Variants in CHPF observed in about 807,000 individuals in gnomAD.
The protein encoded by CHPF is chondroitin polymerizing factor, non-catalytic subunit.
Under a neutral mutation model 55.1 loss-of-function variants are expected in CHPF, and 34 were observed. The ratio of observed to expected loss-of-function variants is 0.62; its 90% CI spans 0.47 to 0.82. The LOEUF is 0.82. CHPF is among the 40% of genes least tolerant of loss of function. The pLI is 0.00. For synonymous variants in CHPF, 489 were observed against 496.6 expected (o/e 0.98, Z 0.20); for missense variants, 961 against 1,106.1 (o/e 0.87, Z 1.86).
Position 219,540,489 on chromosome 2 carries a change from C to A in CHPF, c.1222G>T (p.Gly408Cys), listed in dbSNP as rs776735632. 6.2e-7 allele frequency: 1 copy of A among 1,614,078 alleles called. No individual in the cohort carries two copies. The highest frequency in any genetic ancestry group is 1.7e-5 in the Admixed American group (1 of 60,022). ...CCACGCAGTGGGCAGCGGGGTGAGC[C>A]ATCGGCGCAGGAGAAAGCGTGCTGC... ...TEQHAFSCAD[G>C]SPRCPLRGAD... is the part of the protein sequence containing the mutation. Residue 408 changes from glycine to cysteine, a missense_variant, in exon 4 of 4, where the codon GGC (glycine) becomes TGC (cysteine). Physicochemically the swap from Gly to Cys is radical, Grantham distance 159 (BLOSUM62 -3). This residue lies in a region of CHPF where 936 missense variants were observed against 1,058.4 expected (regional missense o/e 0.88). Transcript: ENST00000243776.
Position 219,543,529 on chromosome 2 carries a change from A to C in CHPF, c.10T>G (p.Ser4Ala). Residue 4 changes from serine (S) to alanine (A), a missense_variant, in exon 1 of 4, where the codon TCG becomes GCG. Ser to Ala is a moderately conservative substitution (Grantham distance 99). This residue lies in a region of CHPF where 19 missense variants were observed against 22.5 expected (regional missense o/e 0.85). Coordinates refer to ENST00000243776, the MANE Select transcript of CHPF (RefSeq NM_024536.6). ...GGCCGCAGCACCGACAGCAGCAGCG[A>C]TGCCCGCATGGCGCCCGGACCGCGG... is the stretch of plus-strand genomic sequence containing the variant. MRASLLLSVLRPAG... is the reference protein window; with the variant it reads MRAALLLSVLRPAG... 7.5e-7 allele frequency: 1 copy of C among 1,337,238 alleles called. No individual in the cohort carries two copies. The highest frequency in any genetic ancestry group is 9.5e-7 in the Non-Finnish European group (1 of 1,048,696). 82.8% of individuals were successfully genotyped at this position (1,337,238 alleles called of 1,614,324 possible).
Position 219,539,287 on chromosome 2 carries a change from C to G in CHPF, c.*96G>C. On this transcript the variant is annotated 3_prime_UTR_variant, in exon 4 of 4. Coordinates refer to ENST00000243776, the MANE Select transcript of CHPF (RefSeq NM_024536.6). The stretch of plus-strand genomic sequence containing the variant: ...GGGCCAGCTTGGGGTCTGGCTACGG[C>G]CAGCCCTGCCCAGCGAGGCTGGCAG... 2 of 1,286,708 alleles carry G rather than the reference C, an allele frequency of 1.6e-6. No individual in the cohort carries two copies. The highest frequency in any genetic ancestry group is 2.1e-6 in the Non-Finnish European group (2 of 944,928). The allele number at this position is 1,286,708 out of a possible 1,614,324, so 79.7% of individuals were successfully genotyped here.
In CHPF at chr2:219,543,567, G is replaced by A. The variant is rs532441028; in HGVS notation, c.-29C>T. The A allele has an allele frequency of 3.8e-6, 5 of 1,321,426 alleles. No homozygotes were observed. The highest frequency in any genetic ancestry group is 5.7e-4 in the Middle Eastern group (2 of 3,536). 81.9% of individuals were successfully genotyped at this position (1,321,426 alleles called of 1,614,324 possible). ...GCCCGGACCGCGGGTCCCCGGCCCC[G>A]GCGAACCCCCAGAGCAGCCAGAGGA... On this transcript the variant is annotated 5_prime_UTR_variant, in exon 1 of 4. Coordinates refer to ENST00000243776, the MANE Select transcript of CHPF (RefSeq NM_024536.6).
In CHPF at chr2:219,539,449, C is replaced by T. The variant is rs753344850; in HGVS notation, c.2262G>A (p.Glu754=). Residue 754 remains glutamate, a synonymous_variant, in exon 4 of 4, where the codon GAG becomes GAA. Coordinates refer to ENST00000243776, the MANE Select transcript of CHPF (RefSeq NM_024536.6). The part of the protein sequence containing the change: ...LYHRCLQSVL[E]GLGSRTQLAM... Reference sequence around the variant, plus strand: ...CCAGCTGGGTTCGGGAGCCGAGGCCCTCAAGCACGCTCTGGAGGCAGCGGT... The same window carrying T: ...CCAGCTGGGTTCGGGAGCCGAGGCCTTCAAGCACGCTCTGGAGGCAGCGGT... The T allele has an allele frequency of 2.5e-6, 4 of 1,612,956 alleles. No individual in the cohort carries two copies. In the South Asian group the frequency reaches 4.4e-5, roughly 18 times the overall value.
In CHPF at chr2:219,540,991, G is replaced by C; in HGVS notation, c.1023C>G (p.Ala341=). The C allele has an allele frequency of 6.2e-7, 1 of 1,614,066 alleles. No homozygotes were observed. The highest frequency in any genetic ancestry group is 8.5e-7 in the Non-Finnish European group (1 of 1,179,990). ...GGTACGTGCGTTCCAGTTCAGCTCGGGCGAAAGCTTTGTGCAGCTGGTACA... is the reference window on the plus strand; with the variant it reads ...GGTACGTGCGTTCCAGTTCAGCTCGCGCGAAAGCTTTGTGCAGCTGGTACA... The part of the protein sequence containing the change: ...VHMYQLHKAF[A]RAELERTYQE... The change falls in exon 3 of 4, where the codon GCC becomes GCG. Residue 341 remains alanine (A), a synonymous_variant. Transcript: ENST00000243776.
intron 2 of CHPF, 199 bp downstream of exon 2, chr2:219,541,417 C>T (rs749583494): frequency 1.8e-6 from 1 of 565,162 alleles, no homozygotes; most frequent in Non-Finnish European, 3.0e-6. Flanking sequence ...GTAACAACCC[C>T]GAGCAATAAT....
chr2:219,542,963 T>C, intron 1 of CHPF: 1 of 1,282,486 alleles, frequency 7.8e-7, no homozygotes, highest in Non-Finnish European at 9.8e-7. Flanking sequence ...AGGGAGCTAG[T>C]AGGATCTCTG....
chr2:219,539,952 C>A lies in CHPF; in HGVS notation c.1759G>T (p.Val587Leu). ...FPGARVPWLS[V>L]QTAAPSPLRL... ...AGTGGTGAGGGTGCGGCTGTCTGCACACTGAGCCATGGCACCCGGGCACCG... is the reference window on the plus strand; with the variant it reads ...AGTGGTGAGGGTGCGGCTGTCTGCAAACTGAGCCATGGCACCCGGGCACCG... The change falls in exon 4 of 4, where the codon GTG becomes TTG. Residue 587 changes from valine to leucine, a missense_variant. Val to Leu is a conservative substitution (Grantham distance 32, BLOSUM62 1). Transcript: ENST00000243776. 1 of 1,613,796 alleles carries A rather than the reference C, an allele frequency of 6.2e-7. No homozygotes were observed. Among genetic ancestry groups the A allele is most frequent in the East Asian group, 2.2e-5 (1 of 44,878 alleles).
Position 219,540,369 on chromosome 2 carries a change from G to T in CHPF, c.1342C>A (p.Leu448Met). The change falls in exon 4 of 4, where the codon CTG (leucine) becomes ATG (methionine). Residue 448 changes from leucine (L) to methionine (M), a missense_variant. Physicochemically the swap from Leu to Met is conservative, Grantham distance 15. Coordinates refer to ENST00000243776, the MANE Select transcript of CHPF (RefSeq NM_024536.6). ...HPALRLQKQQ[L>M]VNGYRRFDPA... ...TCAAAGCGTCGGTAGCCATTCACCA[G>T]CTGCTGCTTCTGGAGCCGCAAGGCC... 2.5e-6 allele frequency: 4 copies of T among 1,614,036 alleles called. No individual in the cohort carries two copies. Among genetic ancestry groups the T allele is most frequent in the Non-Finnish European group, 2.5e-6 (3 of 1,180,000 alleles).
At position 219,542,019 on chromosome 2, in the gene CHPF, C is replaced by G; in HGVS notation, c.485G>C (p.Gly162Ala). ...CTCGCCTAGCGTCACCACTGCCATG[C>G]CAGGTGGGGCCCGGCGGCCCCGTGC... The part of the protein sequence containing the change: ...TGARGRRAPP[G>A]MAVVTLGEER... The change falls in exon 2 of 4, where the codon GGC becomes GCC. Residue 162 changes from glycine to alanine, a missense_variant. By Grantham distance (60) the Gly-to-Ala change is moderately conservative. Coordinates refer to ENST00000243776, the MANE Select transcript of CHPF (RefSeq NM_024536.6). 6.3e-7 allele frequency: 1 copy of G among 1,597,810 alleles called. No homozygotes were observed. The highest frequency in any genetic ancestry group is 8.5e-7 in the Non-Finnish European group (1 of 1,174,332).
intron 2 of CHPF, 163 bp downstream of exon 2, chr2:219,541,453 A>G: frequency 1.6e-6 from 1 of 619,616 alleles, no homozygotes; most frequent in Non-Finnish European, 2.7e-6. Context: ...AAAGGAAGAT[A>G]CTGAAGCCCA....
chr2:219,539,367 C>T lies in CHPF; in HGVS notation c.*16G>A, dbSNP rs145400808. On this transcript the variant is annotated 3_prime_UTR_variant, in exon 4 of 4. Coordinates refer to ENST00000243776, the MANE Select transcript of CHPF (RefSeq NM_024536.6). ...TGGGGTGTGGCCATGCCACGGCCCA[C>T]GGGGACAGGGTGGGGTCAGGTGCTG... 39 of 1,578,602 alleles carry T rather than the reference C, an allele frequency of 2.5e-5. No homozygotes were observed. The highest frequency in any genetic ancestry group is 4.0e-5 in the African/African-American group (3 of 74,318).
At position 219,540,034 on chromosome 2, in the gene CHPF, A is replaced by T. The variant is rs754751372; in HGVS notation, c.1677T>A (p.His559Gln). The change falls in exon 4 of 4, where the codon CAT becomes CAA. Residue 559 changes from histidine (H) to glutamine (Q), a missense_variant. Physicochemically the swap from His to Gln is conservative, Grantham distance 24. Around this residue, in one of 3 missense-constraint regions of CHPF, gnomAD observed 936 missense variants for 1,058.4 expected, o/e 0.88. Coordinates refer to ENST00000243776, the MANE Select transcript of CHPF (RefSeq NM_024536.6). ...CCTTGACAGGTGCGAAGACATCTGC[A>T]TGGGCCACGCGCTGGGCCTGGCGCG... ...YEPRQAQRVA[H>Q]ADVFAPVKAH... 1 of 1,613,104 alleles carries T rather than the reference A, an allele frequency of 6.2e-7. No individual in the cohort carries two copies. Among genetic ancestry groups the T allele is most frequent in the Non-Finnish European group, 8.5e-7 (1 of 1,179,790 alleles).
At position 219,540,336 on chromosome 2, in the gene CHPF, G is replaced by T; in HGVS notation, c.1375C>A (p.Arg459=). 1 of 1,613,958 alleles carries T rather than the reference G, an allele frequency of 6.2e-7. No individual in the cohort carries two copies. The highest frequency in any genetic ancestry group is 1.1e-5 in the South Asian group (1 of 91,086). Residue 459 remains arginine, a synonymous_variant, in exon 4 of 4, where the codon CGG becomes AGG. Transcript: ENST00000243776. ...AAGTCCAGCGTGTATTCCATACCCC[G>T]GGCCGGATCAAAGCGTCGGTAGCCA... The part of the protein sequence containing the change: ...VNGYRRFDPA[R]GMEYTLDLQL...
Position 219,543,256 on chromosome 2 carries a change from G to C in CHPF, c.283C>G (p.Gln95Glu). 1 of 1,571,408 alleles carries C rather than the reference G, an allele frequency of 6.4e-7. No individual in the cohort carries two copies. The highest frequency in any genetic ancestry group is 1.4e-5 in the African/African-American group (1 of 71,036). ...EPRVLPYHPA[Q>E]PGQAAKKAVR... ...GCCTTTTTGGCGGCCTGGCCGGGCT[G>C]TGCAGGGTGGTAGGGCAAGACGCGC... Residue 95 changes from glutamine to glutamate, a missense_variant, in exon 1 of 4, where the codon CAG (glutamine) becomes GAG (glutamate). Gln to Glu is a conservative substitution (Grantham distance 29). Transcript: ENST00000243776.
Position 219,541,875 on chromosome 2 carries a change from G to C in CHPF, c.629C>G (p.Ala210Gly), listed in dbSNP as rs1183260122. ...DTTYTEAHGLARLTGHLSLAS... is the reference protein window; with the variant it reads ...DTTYTEAHGLGRLTGHLSLAS... The stretch of plus-strand genomic sequence containing the variant: ...CAGGCTGAGGTGGCCAGTTAGGCGT[G>C]CCAGGCCGTGCGCCTCGGTGTAGGT... The change falls in exon 2 of 4, where the codon GCA (alanine) becomes GGA (glycine). Residue 210 changes from alanine to glycine, a missense_variant. Ala to Gly is a moderately conservative substitution (Grantham distance 60). This residue lies in a region of CHPF where 936 missense variants were observed against 1,058.4 expected (regional missense o/e 0.88). Transcript: ENST00000243776. 1.2e-6 allele frequency: 2 copies of C among 1,612,862 alleles called. No individual in the cohort carries two copies. The highest frequency in any genetic ancestry group is 1.3e-5 in the African/African-American group (1 of 74,924).
At chr2:219,540,691 G>A (rs1194171603) in intron 3 of CHPF, 49 bp from the exon 4 acceptor site, 1 of 1,510,380 alleles carries the variant, frequency 6.6e-7, no homozygotes, top group Non-Finnish European at 8.9e-7. Context: ...ACAGGGAGCA[G>A]CACACAGCTG....
rs1695317060 is a variant in CHPF at position 219,543,241 on chromosome 2, CG to C, written c.297del (p.Ala100ProfsTer25). 6.4e-7 allele frequency: 1 copy of C among 1,554,750 alleles called. No homozygotes were observed. The highest frequency in any genetic ancestry group is 1.2e-5 in the South Asian group (1 of 86,396). On this transcript the variant is annotated frameshift_variant, in exon 1 of 4. Coordinates refer to ENST00000243776, the MANE Select transcript of CHPF (RefSeq NM_024536.6). LOFTEE classifies it high-confidence loss of function. The part of the protein sequence containing the change: ...LPYHPAQPGQ[A>X]AKKAVRTRYI... The stretch of plus-strand genomic sequence containing the variant: ...GATCACTACCTGACGGCCTTTTTGG[CG>C]GCCTGGCCGGGCTGTGCAGGGTGGT...
chr2:219,543,357 C>G lies in CHPF; in HGVS notation c.182G>C (p.Arg61Pro), dbSNP rs36002687. Reference protein sequence around the residue: ...PPRGNTNAARRPNSVQPGAER... With the variant: ...PPRGNTNAARPPNSVQPGAER... ...CGCTCCGGGCTGCACCGAGTTGGGC[C>G]GGCGCGCCGCGTTGGTGTTGCCGCG... Residue 61 changes from arginine (R) to proline (P), a missense_variant, in exon 1 of 4, where the codon CGG becomes CCG. Transcript: ENST00000243776. 3.5e-5 allele frequency: 55 copies of G among 1,562,754 alleles called. No homozygotes were observed. The African/African-American group carries it at 6.6e-4, about 19-fold the overall frequency.
Sources: gnomAD v4.1 joint callset for allele counts on GRCh38, gnomAD v4.1.1 for gene constraint, gnomAD v4.1.1 regional missense constraint, MANE v1.5 for transcripts, NCBI Gene and HGNC (gene_info 2026-07-23, HGNC 2026-07-21) for gene names.